The following LAMA2 variants were observed in gnomAD, a reference collection of about 807,000 sequenced individuals.
The protein encoded by LAMA2 is laminin subunit alpha-2.
A neutral mutation model predicts 364.8 loss-of-function variants in LAMA2; 269 were observed. The ratio of observed to expected loss-of-function variants is 0.74; its 90% confidence interval spans 0.67 to 0.82. The LOEUF is 0.82. LAMA2 is among the 40% of genes least tolerant of loss of function. The pLI, the probability that LAMA2 is intolerant of heterozygous loss-of-function variation, is 0.00. For missense variants in LAMA2, 3,807 were observed against 3,873.2 expected (o/e 0.98, Z 0.45); for synonymous variants, 1,379 against 1,370.6 (o/e 1.01, Z -0.14).
intron 19 of LAMA2, among the ~76,000 whole-genome samples, chr6:129,289,244 A>G (rs141522755): frequency 5.3e-4 from 80 of 152,354 alleles, no homozygotes; most frequent in Non-Finnish European, 9.1e-4. Context: ...TGACAAATGT[A>G]TAAAATCATA....
At chr6:128,911,605 G>A (rs374723702) in intron 1 of LAMA2, among the ~76,000 whole-genome samples, 1 of 152,084 alleles carries the variant, frequency 6.6e-6, no homozygotes, top group East Asian at 1.9e-4. Flanking sequence ...CTTCTGCGTC[G>A]CTCACGCTGG....
At chr6:129,455,277 A>G (rs1782895178) in intron 47 of LAMA2, among the ~76,000 whole-genome samples, 1 of 152,058 alleles carries the variant, frequency 6.6e-6, no homozygotes, top group Non-Finnish European at 1.5e-5. Context: ...AATGAGAAGC[A>G]ATATTTTTAG....
In LAMA2 at chr6:129,384,408, C is replaced by T. The variant is rs2114656459; in HGVS notation, c.5071+1175C>T. 1.3e-5 allele frequency among the ~76,000 whole-genome samples: 2 copies of T among 152,300 alleles called. 1 individual carries two copies. The highest frequency in any genetic ancestry group is 4.1e-4 in the South Asian group (2 of 4,822). ...GGAACTTTCCTTTTCTTTCCATTGA[C>T]ATTTCAAACACCCAACACCTAGCAG... On this transcript the variant is annotated intron_variant, in intron 35 of 64. Transcript: ENST00000421865.
At chr6:129,450,705 A>G (rs1782632810) in intron 45 of LAMA2, among the ~76,000 whole-genome samples, 3 of 152,232 alleles carry the variant, frequency 2.0e-5, no homozygotes. Flanking sequence ...TAAAGCATTT[A>G]TTAAATAAAA....
At chr6:129,396,200 A>AT (rs1435591766) in intron 37 of LAMA2, among the ~76,000 whole-genome samples, 1 of 152,234 alleles carries the variant, frequency 6.6e-6, no homozygotes, top group Non-Finnish European at 1.5e-5. Context: ...GGTACCTACC[A>AT]TATCAAGGTA....
chr6:129,071,938 G>A (rs1248814698), intron 3 of LAMA2, among the ~76,000 whole-genome samples: 1 of 152,016 alleles, frequency 6.6e-6, no homozygotes, highest in Non-Finnish European at 1.5e-5. Context: ...GACCAGTGTG[G>A]GCAACGTGGT....
chr6:128,930,549 C>G (rs1284222751), intron 1 of LAMA2, among the ~76,000 whole-genome samples: 2 of 152,002 alleles, frequency 1.3e-5, no homozygotes, highest in African/African-American at 4.8e-5. Context: ...CAGTTCCCCC[C>G]ACCCTTCACA....
chr6:129,023,649 T>C (rs1434577907), intron 1 of LAMA2, among the ~76,000 whole-genome samples: 1 of 152,208 alleles, frequency 6.6e-6, no homozygotes, highest in East Asian at 1.9e-4. Flanking sequence ...TTCTCTTAAA[T>C]TGATTTTCTT....
chr6:129,482,175 G>A (rs753250242), intron 55 of LAMA2, among the ~76,000 whole-genome samples: 2 of 152,096 alleles, frequency 1.3e-5, no homozygotes, highest in African/African-American at 2.4e-5. Flanking sequence ...GGGCATGGTC[G>A]TGCACAACTG....
chr6:129,309,328 A>G (rs536449281), intron 22 of LAMA2, among the ~76,000 whole-genome samples: 2 of 152,352 alleles, frequency 1.3e-5, no homozygotes, highest in South Asian at 2.1e-4. Context: ...CCATAGTGCT[A>G]TCTAAACACA....
intron 9 of LAMA2, among the ~76,000 whole-genome samples, chr6:129,169,012 G>C (rs532880720): frequency 4.3e-4 from 65 of 152,326 alleles, no homozygotes; most frequent in African/African-American, 1.4e-3. Context: ...CATTGATTTT[G>C]TATCCTGAGA....
In LAMA2 at chr6:129,435,044, G is replaced by A. The variant is rs148297552; in HGVS notation, c.5969-3602G>A. 2.7e-3 allele frequency among the ~76,000 whole-genome samples: 418 copies of A among 152,162 alleles called. 2 individuals carry two copies. Among genetic ancestry groups the A allele is most frequent in the African/African-American group, 8.3e-3 (344 of 41,534 alleles). Reference sequence around the variant, plus strand: ...AATCAAAATTAGCGCTTTGGAACTTGAGAGGCAGCAGTAAAAATATTCTTC... The same window carrying A: ...AATCAAAATTAGCGCTTTGGAACTTAAGAGGCAGCAGTAAAAATATTCTTC... On this transcript the variant is annotated intron_variant, in intron 41 of 64. Coordinates refer to ENST00000421865, the MANE Select transcript of LAMA2 (RefSeq NM_000426.4).
chr6:129,303,810 G>A (rs565308677), intron 22 of LAMA2, among the ~76,000 whole-genome samples: 1 of 152,164 alleles, frequency 6.6e-6, no homozygotes, highest in South Asian at 2.1e-4. Flanking sequence ...AATCCTGTTT[G>A]CTAGCATTTT....
chr6:129,333,286 C>T (rs1029694540), intron 29 of LAMA2, among the ~76,000 whole-genome samples: 1 of 151,966 alleles, frequency 6.6e-6, no homozygotes, highest in Non-Finnish European at 1.5e-5. Context: ...AAATTGTCTC[C>T]CAAAATAATA....
intron 1 of LAMA2, among the ~76,000 whole-genome samples, chr6:129,015,002 T>A (rs954817263): frequency 6.6e-6 from 1 of 152,040 alleles, no homozygotes; most frequent in Non-Finnish European, 1.5e-5. Context: ...TCTATTAAAA[T>A]AAATTAAATA....
At chr6:129,136,168 A>G (rs937512733) in intron 4 of LAMA2, among the ~76,000 whole-genome samples, 3 of 152,078 alleles carry the variant, frequency 2.0e-5, no homozygotes, top group Non-Finnish European at 4.4e-5. Flanking sequence ...TCTTTCACTC[A>G]ATTCTGTGGA....
intron 10 of LAMA2, among the ~76,000 whole-genome samples, chr6:129,185,521 T>A (rs1329642329): frequency 1.3e-5 from 2 of 151,890 alleles, no homozygotes; most frequent in Non-Finnish European, 2.9e-5. Flanking sequence ...CACACATTTC[T>A]TCCTAAAAGA....
At chr6:129,166,544 A>C (rs1205554033) in intron 9 of LAMA2, among the ~76,000 whole-genome samples, 1 of 152,164 alleles carries the variant, frequency 6.6e-6, no homozygotes, top group African/African-American at 2.4e-5. Flanking sequence ...AATATTAAAA[A>C]ACGGATACGT....
At chr6:129,222,130 C>G (rs1401343740) in intron 12 of LAMA2, among the ~76,000 whole-genome samples, 1 of 152,076 alleles carries the variant, frequency 6.6e-6, no homozygotes, top group Non-Finnish European at 1.5e-5. Flanking sequence ...TCATGTTCAA[C>G]TTCTTGGGTT....
Sources: gnomAD v4.1 joint callset for allele counts (sites outside exome capture counted in the v4.1 genomes callset) on GRCh38, gnomAD v4.1.1 for gene constraint, MANE v1.5 for transcripts, NCBI Gene and HGNC (gene_info 2026-07-23, HGNC 2026-07-21) for gene names.